The following SAMD9 variants were observed in gnomAD, a reference collection of about 807,000 sequenced individuals.
SAMD9 encodes sterile alpha motif domain-containing protein 9.
SAMD9 carries 3 observed loss-of-function variants against 1.5 expected under a neutral mutation model. That is an observed-to-expected ratio of 2.05 (90% CI 0.93 to 5.29). The LOEUF is 5.29. SAMD9 is among the 30% of genes most tolerant of loss of function. SAMD9 has a pLI of 0.02. For missense variants in SAMD9, 1,597 were observed against 1,820.8 expected (o/e 0.88, Z 2.24); for synonymous variants, 635 against 631.9 (o/e 1.00, Z -0.07).
Position 93,106,051 on chromosome 7 carries a change from T to C in SAMD9, c.47A>G (p.Lys16Arg). 1 of 1,593,926 alleles carries C rather than the reference T, an allele frequency of 6.3e-7. No individual in the cohort carries two copies. The highest frequency in any genetic ancestry group is 8.5e-7 in the Non-Finnish European group (1 of 1,174,458). The change falls in exon 3 of 3, where the codon AAA becomes AGA. Residue 16 changes from lysine (K) to arginine (R), a missense_variant. This residue lies in a region of SAMD9 where 498 missense variants were observed against 457.4 expected (regional missense o/e 1.09). Coordinates refer to ENST00000379958, the MANE Select transcript of SAMD9 (RefSeq NM_017654.4). ...NLPENTDDWT[K>R]EDVNQWLESH... Reference sequence around the variant, plus strand: ...TTCTAACCACTGATTTACATCCTCTTTTGTCCAATCATCTGTATTTTCTGG... The same window carrying C: ...TTCTAACCACTGATTTACATCCTCTCTTGTCCAATCATCTGTATTTTCTGG...
Position 93,101,989 on chromosome 7 carries a change from G to A in SAMD9, c.4109C>T (p.Thr1370Ile). Residue 1370 changes from threonine to isoleucine, a missense_variant, in exon 3 of 3, where the codon ACT becomes ATT. Around this residue, in one of 6 missense-constraint regions of SAMD9, gnomAD observed 682 missense variants for 810.0 expected, o/e 0.84. Transcript: ENST00000379958. ...GACAGTGCATTGTTCTAAGAGAAAA[G>A]TATATTCGTTCACTATACATTTCAT... is the stretch of plus-strand genomic sequence containing the variant. ...STMKCIVNEY[T>I]FLLEQCTVKI... 4 of 1,613,528 alleles carry A rather than the reference G, an allele frequency of 2.5e-6. No homozygotes were observed. Among genetic ancestry groups the A allele is most frequent in the Non-Finnish European group, 3.4e-6 (4 of 1,179,688 alleles).
At position 93,101,327 on chromosome 7, in the gene SAMD9, C is replaced by T. The variant is rs984362326; in HGVS notation, c.*1G>A. 2 of 1,609,390 alleles carry T rather than the reference C, an allele frequency of 1.2e-6. No homozygotes were observed. Among genetic ancestry groups the T allele is most frequent in the African/African-American group, 2.7e-5 (2 of 74,892 alleles). ...ATTCTTGGAGGAAGAATATCAGGCT[C>T]TTAAACAATTTCAATGTCATAAGCA... On this transcript the variant is annotated 3_prime_UTR_variant, in exon 3 of 3. Coordinates refer to ENST00000379958, the MANE Select transcript of SAMD9 (RefSeq NM_017654.4).
Position 93,101,184 on chromosome 7 carries a change from T to C in SAMD9, c.*144A>G. The stretch of plus-strand genomic sequence containing the variant: ...GTCTTTGTAGAACTCATAACATGTT[T>C]AAGAGGAAATTAAATACTGCATGTA... On this transcript the variant is annotated 3_prime_UTR_variant, in exon 3 of 3. Transcript: ENST00000379958. The C allele has an allele frequency of 1.4e-6, 1 of 719,556 alleles. No individual in the cohort carries two copies. The highest frequency in any genetic ancestry group is 2.4e-6 in the Non-Finnish European group (1 of 408,224). The allele number at this position is 719,556 out of a possible 1,614,324, so 44.6% of individuals were successfully genotyped here.
Position 93,103,769 on chromosome 7 carries a change from C to T in SAMD9, c.2329G>A (p.Val777Ile). Residue 777 changes from valine (V) to isoleucine (I), a missense_variant, in exon 3 of 3, where the codon GTA (valine) becomes ATA (isoleucine). Coordinates refer to ENST00000379958, the MANE Select transcript of SAMD9 (RefSeq NM_017654.4). ...GCCCCATAGGTGATTAAACTGGTTA[C>T]CTGTTCTCCAATTTCAGAAAAATCC... ...TVDFSEIGEQVTSLITYGAMN... is the reference protein window; with the variant it reads ...TVDFSEIGEQITSLITYGAMN... 1 of 1,613,918 alleles carries T rather than the reference C, an allele frequency of 6.2e-7. No homozygotes were observed. The highest frequency in any genetic ancestry group is 8.5e-7 in the Non-Finnish European group (1 of 1,179,868).
At position 93,104,930 on chromosome 7, in the gene SAMD9, CTCTT is replaced by C. The variant is rs1791605295; in HGVS notation, c.1164_1167del (p.Glu390AspfsTer8). 6.2e-7 allele frequency: 1 copy of C among 1,611,322 alleles called. No individual in the cohort carries two copies. Among genetic ancestry groups the C allele is most frequent in the Admixed American group, 1.7e-5 (1 of 59,564 alleles). On this transcript the variant is annotated frameshift_variant, in exon 3 of 3. Transcript: ENST00000379958. LOFTEE classifies it low-confidence loss of function (END_TRUNC). The stretch of plus-strand genomic sequence containing the variant: ...AATAATTTAACCAACTTTGGTCCCT[CTCTT>C]TCTTTTTTATTTGTTTTTGCTCTGA...
chr7:93,102,727 C>G lies in SAMD9; in HGVS notation c.3371G>C (p.Gly1124Ala). 1 of 1,613,806 alleles carries G rather than the reference C, an allele frequency of 6.2e-7. No homozygotes were observed. The highest frequency in any genetic ancestry group is 8.5e-7 in the Non-Finnish European group (1 of 1,179,752). ...TCTTATTTTACTTTTGTAGACTTGA[C>G]CCAGTGTATCTGAGATATAAGAATT... ...PDNSYISDTLGQVYKSKIRWW... is the reference protein window; with the variant it reads ...PDNSYISDTLAQVYKSKIRWW... Residue 1124 changes from glycine (G) to alanine (A), a missense_variant, in exon 3 of 3, where the codon GGT becomes GCT. Gly to Ala is a moderately conservative substitution (Grantham distance 60). Coordinates refer to ENST00000379958, the MANE Select transcript of SAMD9 (RefSeq NM_017654.4).
At position 93,101,204 on chromosome 7, in the gene SAMD9, C is replaced by T; in HGVS notation, c.*124G>A. The T allele has an allele frequency of 1.3e-6, 1 of 771,286 alleles. No homozygotes were observed. The highest frequency in any genetic ancestry group is 2.3e-6 in the Non-Finnish European group (1 of 436,536). 47.8% of individuals were successfully genotyped at this position (771,286 alleles called of 1,614,324 possible). A position where few individuals can be genotyped will look rare whatever the true frequency, so the allele number is the denominator to read the frequency against. ...ATGTTTAAGAGGAAATTAAATACTG[C>T]ATGTACAGATCTGAAGAGCTAGAGG... On this transcript the variant is annotated 3_prime_UTR_variant, in exon 3 of 3. Coordinates refer to ENST00000379958, the MANE Select transcript of SAMD9 (RefSeq NM_017654.4).
In SAMD9 at chr7:93,102,989, T is replaced by G. The variant is rs762391460; in HGVS notation, c.3109A>C (p.Thr1037Pro). The part of the protein sequence containing the change: ...FLQDMHTLLL[T>P]RHRDEHEGET... ...CCTTCATGTTCATCGCGGTGTCTTGTGAGTAGGAGTGTGTGCATATCTTGC... is the reference window on the plus strand; with the variant it reads ...CCTTCATGTTCATCGCGGTGTCTTGGGAGTAGGAGTGTGTGCATATCTTGC... Residue 1037 changes from threonine (T) to proline (P), a missense_variant, in exon 3 of 3, where the codon ACA becomes CCA. Thr to Pro is a conservative substitution (Grantham distance 38, BLOSUM62 -1). Around this residue, in one of 6 missense-constraint regions of SAMD9, gnomAD observed 682 missense variants for 810.0 expected, o/e 0.84. Transcript: ENST00000379958. The G allele has an allele frequency of 1.2e-6, 2 of 1,613,746 alleles. No homozygotes were observed. The highest frequency in any genetic ancestry group is 1.7e-6 in the Non-Finnish European group (2 of 1,179,808).
Position 93,105,875 on chromosome 7 carries a change from G to C in SAMD9, c.223C>G (p.Arg75Gly). The change falls in exon 3 of 3, where the codon CGG becomes GGG. Residue 75 changes from arginine (R) to glycine (G), a missense_variant. Arg to Gly is a moderately radical substitution (Grantham distance 125, BLOSUM62 -2). Coordinates refer to ENST00000379958, the MANE Select transcript of SAMD9 (RefSeq NM_017654.4). ...ATCGAATCTTCAATGGCTGTTTTCC[G>C]CAATTCTTTGAATAGTTCTTCTATT... ...IQIEELFKEL[R>G]KTAIEDSIQT... 1 of 1,613,974 alleles carries C rather than the reference G, an allele frequency of 6.2e-7. No individual in the cohort carries two copies. The highest frequency in any genetic ancestry group is 8.5e-7 in the Non-Finnish European group (1 of 1,179,974).
rs757789319 is a variant in SAMD9 at position 93,101,528 on chromosome 7, G to A, written c.4570C>T (p.Gln1524Ter). 6.2e-6 allele frequency: 10 copies of A among 1,613,660 alleles called. No homozygotes were observed. The highest frequency in any genetic ancestry group is 7.6e-6 in the Non-Finnish European group (9 of 1,179,744). The stretch of plus-strand genomic sequence containing the variant: ...CCTTGTAAACGAAGCAAAAGTTCTT[G>A]GACTTTTTCCTCCTTCCACACATCT... ...SGDVWKEEKV[Q>*]ELLLRLQGRA... The change falls in exon 3 of 3, where the codon CAA becomes TAA. Residue 1524 changes from glutamine (Q) to a stop codon, truncating the protein, a stop_gained. Transcript: ENST00000379958. LOFTEE classifies it low-confidence loss of function (END_TRUNC).
Position 93,101,273 on chromosome 7 carries a change from CA to C in SAMD9, c.*54del, listed in dbSNP as rs1562773385. The C allele has an allele frequency of 8.1e-6, 12 of 1,475,338 alleles. No homozygotes were observed. The highest frequency in any genetic ancestry group is 1.7e-5 in the Admixed American group (1 of 59,802). The allele number at this position is 1,475,338 out of a possible 1,614,324, so 91.4% of individuals were successfully genotyped here. A position where few individuals can be genotyped will look rare whatever the true frequency, so the allele number is the denominator to read the frequency against. On this transcript the variant is annotated 3_prime_UTR_variant, in exon 3 of 3. Coordinates refer to ENST00000379958, the MANE Select transcript of SAMD9 (RefSeq NM_017654.4). ...CGGTTTAAAGCATAGATCTTGAGTC[CA>C]AAAAAATTAAATGGGTACTGAGATC...
intron 2 of SAMD9, among the ~76,000 whole-genome samples, chr7:93,108,623 G>T (rs1469479985): frequency 1.3e-5 from 2 of 152,204 alleles, no homozygotes; most frequent in Non-Finnish European, 2.9e-5. Context: ...TGTTCCAATG[G>T]TCTTAGCAAA....
In SAMD9 at chr7:93,105,317, T is replaced by A. The variant is rs1172081311; in HGVS notation, c.781A>T (p.Ile261Phe). Residue 261 changes from isoleucine (I) to phenylalanine (F), a missense_variant, in exon 3 of 3, where the codon ATT becomes TTT. Ile to Phe is a conservative substitution (Grantham distance 21). Coordinates refer to ENST00000379958, the MANE Select transcript of SAMD9 (RefSeq NM_017654.4). Reference sequence around the variant, plus strand: ...TTTATCATCAGATTGAAATGGTTAATGAGGGCTTCCTTGGTATCATTGGTG... The same window carrying A: ...TTTATCATCAGATTGAAATGGTTAAAGAGGGCTTCCTTGGTATCATTGGTG... ...KVTNDTKEAL[I>F]NHFNLMINKY... 1 of 1,613,896 alleles carries A rather than the reference T, an allele frequency of 6.2e-7. No individual in the cohort carries two copies. Among genetic ancestry groups the A allele is most frequent in the African/African-American group, 1.3e-5 (1 of 74,902 alleles).
chr7:93,110,242 C>G (rs1003984917), intron 2 of SAMD9, among the ~76,000 whole-genome samples: 4 of 152,126 alleles, frequency 2.6e-5, no homozygotes, highest in Admixed American at 2.6e-4. Context: ...AAATCCTTTA[C>G]AGACAAGCAA....
At chr7:93,110,254 T>G (rs372416658) in intron 2 of SAMD9, among the ~76,000 whole-genome samples, 7 of 152,138 alleles carry the variant, frequency 4.6e-5, no homozygotes, top group Non-Finnish European at 1.0e-4. Flanking sequence ...GACAAGCAAA[T>G]GCCGAGAAAT....
Position 93,102,754 on chromosome 7 carries a change from T to G in SAMD9, c.3344A>C (p.Asp1115Ala). Reference sequence around the variant, plus strand: ...CAGTGTATCTGAGATATAAGAATTGTCAGGTTCTATGATTTTTGCTTGTTT... The same window carrying G: ...CAGTGTATCTGAGATATAAGAATTGGCAGGTTCTATGATTTTTGCTTGTTT... ...WAKQAKIIEP[D>A]NSYISDTLGQ... The change falls in exon 3 of 3, where the codon GAC becomes GCC. Residue 1115 changes from aspartate (D) to alanine (A), a missense_variant. Asp to Ala is a moderately radical substitution (Grantham distance 126, BLOSUM62 -2). This residue lies in a region of SAMD9 where 682 missense variants were observed against 810.0 expected (regional missense o/e 0.84). Transcript: ENST00000379958. 1 of 1,613,892 alleles carries G rather than the reference T, an allele frequency of 6.2e-7. No homozygotes were observed. Among genetic ancestry groups the G allele is most frequent in the Non-Finnish European group, 8.5e-7 (1 of 1,179,774 alleles).
At position 93,103,212 on chromosome 7, in the gene SAMD9, G is replaced by A; in HGVS notation, c.2886C>T (p.Thr962=). ...GTEKFEDKMG[T]YSTILIKTEV... Reference sequence around the variant, plus strand: ...CTGTTTTTATCAGAATTGTAGAGTAGGTGCCCATCTTGTCTTCAAATTTTT... The same window carrying A: ...CTGTTTTTATCAGAATTGTAGAGTAAGTGCCCATCTTGTCTTCAAATTTTT... Residue 962 remains threonine (T), a synonymous_variant, in exon 3 of 3, where the codon ACC becomes ACT. Coordinates refer to ENST00000379958, the MANE Select transcript of SAMD9 (RefSeq NM_017654.4). 6.2e-7 allele frequency: 1 copy of A among 1,613,760 alleles called. No homozygotes were observed. The highest frequency in any genetic ancestry group is 1.1e-5 in the South Asian group (1 of 91,082).
Position 93,102,292 on chromosome 7 carries a change from T to G in SAMD9, c.3806A>C (p.Asp1269Ala). The G allele has an allele frequency of 6.2e-7, 1 of 1,612,034 alleles. No individual in the cohort carries two copies. Among genetic ancestry groups the G allele is most frequent in the Non-Finnish European group, 8.5e-7 (1 of 1,178,392 alleles). ...CAGGACAAAGTATTCATCAAAAAAA[T>G]CAAAGGACTTTTTCAAAGAAAATTT... ...KLKFSLKKSF[D>A]FFDEYFVLLK... Residue 1269 changes from aspartate to alanine, a missense_variant, in exon 3 of 3, where the codon GAT becomes GCT. This residue lies in a region of SAMD9 where 682 missense variants were observed against 810.0 expected (regional missense o/e 0.84). Transcript: ENST00000379958.
intron 1 of SAMD9, among the ~76,000 whole-genome samples, chr7:93,116,475 A>G (rs1791835228): frequency 6.6e-6 from 1 of 152,120 alleles, no homozygotes; most frequent in African/African-American, 2.4e-5. Context: ...TCTTCCCCTA[A>G]AGCTTTTGTC....
Sources: gnomAD v4.1 joint callset for allele counts (sites outside exome capture counted in the v4.1 genomes callset) on GRCh38, gnomAD v4.1.1 for gene constraint, gnomAD v4.1.1 regional missense constraint, MANE v1.5 for transcripts, NCBI Gene and HGNC (gene_info 2026-07-23, HGNC 2026-07-21) for gene names.